Variants in DAB1 observed in about 807,000 individuals in gnomAD.
DAB1 encodes DAB adaptor protein 1, also known as disabled homolog 1.
A neutral mutation model predicts 64.6 loss-of-function variants in DAB1; 15 were observed. The ratio of observed to expected loss-of-function variants is 0.23; its 90% CI spans 0.16 to 0.36. The LOEUF (loss-of-function observed/expected upper bound fraction) is 0.36, where lower values mean the gene tolerates loss of function less well. DAB1 is among the 10% of genes least tolerant of loss of function. The pLI, the probability that DAB1 is intolerant of heterozygous loss-of-function variation, is 1.00. For synonymous variants in DAB1, 235 were observed against 251.9 expected, an observed-to-expected ratio of 0.93 and a Z score of 0.64; for missense variants, 596 against 706.7, an observed-to-expected ratio of 0.84 and a Z score of 1.78.
intron 4 of DAB1, among the ~76,000 whole-genome samples, chr1:57,106,259 C>CCG (rs1553142620): frequency 3.6e-5 from 5 of 140,790 alleles, no homozygotes; most frequent in Non-Finnish European, 8.1e-5. Context: ...CCCCTAACAC[C>CCG]CCCCCCCATC....
chr1:58,538,007 C>T (rs1363611555), intron 1 of DAB1, among the ~76,000 whole-genome samples: 6 of 152,132 alleles, frequency 3.9e-5, no homozygotes, highest in East Asian at 1.9e-4. Context: ...ACAGCTGTAT[C>T]GCTTTTGGGT....
chr1:57,668,041 A>T (rs920351469), intron 6 of DAB1, among the ~76,000 whole-genome samples: 4 of 150,478 alleles, frequency 2.7e-5, no homozygotes, highest in East Asian at 1.9e-4. Context: ...TTAAAAAAAA[A>T]TTTTTAAAAA....
At chr1:58,193,086 T>A (rs986882806) in intron 4 of DAB1, among the ~76,000 whole-genome samples, 1 of 152,182 alleles carries the variant, frequency 6.6e-6, no homozygotes, top group African/African-American at 2.4e-5. Flanking sequence ...TGAAATTTAG[T>A]CACTAATATT....
intron 2 of DAB1, among the ~76,000 whole-genome samples, chr1:57,274,530 T>C (rs1233612537): frequency 6.6e-6 from 1 of 152,220 alleles, no homozygotes; most frequent in Non-Finnish European, 1.5e-5. Context: ...TATTGGTTTT[T>C]TCATGCAGAT....
chr1:58,260,471 C>T (rs185827103), intron 4 of DAB1, among the ~76,000 whole-genome samples: 46 of 152,284 alleles, frequency 3.0e-4, no homozygotes, highest in Admixed American at 9.8e-4. Flanking sequence ...AAGCAACATA[C>T]ACATGGGGCC....
At chr1:58,093,809 C>T (rs796116834) in intron 5 of DAB1, among the ~76,000 whole-genome samples, 8 of 152,112 alleles carry the variant, frequency 5.3e-5, no homozygotes, top group African/African-American at 1.2e-4. Flanking sequence ...AGACTGGGAA[C>T]GGGAGCCTAG....
At chr1:57,213,318 G>C (rs990293612) in intron 2 of DAB1, among the ~76,000 whole-genome samples, 5 of 152,054 alleles carry the variant, frequency 3.3e-5, no homozygotes, top group South Asian at 2.1e-4. Context: ...CAGTACTAAG[G>C]CATTGAAATC....
chr1:57,343,006 C>A (rs1444158648), intron 1 of DAB1, among the ~76,000 whole-genome samples: 1 of 37,926 alleles, frequency 2.6e-5, no homozygotes, highest in Non-Finnish European at 7.4e-5. Context: ...GTTGCCACTG[C>A]TGGCTCGGGC....
At chr1:58,420,210 A>C (rs1644759026) in intron 3 of DAB1, among the ~76,000 whole-genome samples, 1 of 152,188 alleles carries the variant, frequency 6.6e-6, no homozygotes, top group Non-Finnish European at 1.5e-5. Flanking sequence ...AAAGAATTTC[A>C]CAGCTGTCCC....
intron 3 of DAB1, among the ~76,000 whole-genome samples, chr1:58,347,197 T>C (rs1644010131): frequency 6.6e-6 from 1 of 152,142 alleles, no homozygotes; most frequent in African/African-American, 2.4e-5. Context: ...AACCTCCGCC[T>C]CCCAGGTACA....
At chr1:58,214,914 C>T (rs919048562) in intron 4 of DAB1, among the ~76,000 whole-genome samples, 4 of 152,196 alleles carry the variant, frequency 2.6e-5, no homozygotes, top group African/African-American at 9.6e-5. Flanking sequence ...AATCTAATCG[C>T]ATGAGGTAAA....
chr1:57,519,032 C>A (rs2101374388), intron 7 of DAB1, among the ~76,000 whole-genome samples: 1 of 152,094 alleles, frequency 6.6e-6, no homozygotes, highest in East Asian at 1.9e-4. Flanking sequence ...TCCACTATTT[C>A]TTCGGCGCAT....
chr1:57,660,308 C>T lies in DAB1; in HGVS notation n.552-10643G>A, dbSNP rs1646371133. On this transcript the variant is annotated intron_variant and non_coding_transcript_variant, in intron 6 of 20. Coordinates refer to the DAB1 transcript ENST00000485760. ...CAAATAAATCATGACCAAATCCACA[C>T]AGAGAACAGCAAAAGTAGGTTTTCT... is the stretch of plus-strand genomic sequence containing the variant. Among the ~76,000 whole-genome samples, 4 of 152,236 alleles carry T rather than the reference C, an allele frequency of 2.6e-5. No homozygotes were observed. In the South Asian group the frequency reaches 8.3e-4, roughly 32 times the overall value.
chr1:57,528,508 A>T lies in DAB1; in HGVS notation n.625+121084T>A, dbSNP rs1259309013. On this transcript the variant is annotated intron_variant and non_coding_transcript_variant, in intron 7 of 20. Coordinates refer to the DAB1 transcript ENST00000485760. ...TTAGCTGAAGCATTTTCCAAATTTG[A>T]TTTTTTAAAACGTGTATGCCAAGAA... Among the ~76,000 whole-genome samples, 7 of 152,182 alleles carry T rather than the reference A, an allele frequency of 4.6e-5. No individual in the cohort carries two copies. In the East Asian group the frequency reaches 1.4e-3, roughly 29 times the overall value.
intron 7 of DAB1, among the ~76,000 whole-genome samples, chr1:57,460,209 G>A (rs912781723): frequency 1.1e-4 from 16 of 152,218 alleles, no homozygotes; most frequent in African/African-American, 3.4e-4. Flanking sequence ...ACAGTATGGT[G>A]AGCATAACAC....
At chr1:57,420,698 A>G (rs559100446) in intron 1 of DAB1, among the ~76,000 whole-genome samples, 1 of 152,296 alleles carries the variant, frequency 6.6e-6, no homozygotes, top group Non-Finnish European at 1.5e-5. Context: ...AAAGCACCCA[A>G]TCATATGATT....
intron 4 of DAB1, among the ~76,000 whole-genome samples, chr1:58,209,551 C>T (rs1251640339): frequency 6.6e-6 from 1 of 152,082 alleles, no homozygotes; most frequent in African/African-American, 2.4e-5. Flanking sequence ...ACCATTTAGC[C>T]ATTGCATAAT....
intron 5 of DAB1, among the ~76,000 whole-genome samples, chr1:57,996,826 A>G (rs1646432007): frequency 6.6e-6 from 1 of 152,162 alleles, no homozygotes; most frequent in Non-Finnish European, 1.5e-5. Context: ...GTGGATTCTT[A>G]GAATTTTCTC....
At chr1:58,187,309 A>G (rs1242958439) in intron 4 of DAB1, among the ~76,000 whole-genome samples, 6 of 151,106 alleles carry the variant, frequency 4.0e-5, no homozygotes, top group Non-Finnish European at 8.8e-5. Flanking sequence ...AAAAAAAAAA[A>G]GTAAAAATAA....
Sources: gnomAD v4.1 joint callset for allele counts (sites outside exome capture counted in the v4.1 genomes callset) on GRCh38, gnomAD v4.1.1 for gene constraint, MANE v1.5 for transcripts, NCBI Gene and HGNC (gene_info 2026-07-23, HGNC 2026-07-21) for gene names.